Variants in MALRD1 observed in about 807,000 individuals in gnomAD.
MALRD1 encodes MAM and LDL receptor class A domain containing 1.
A neutral mutation model predicts 242.1 loss-of-function variants in MALRD1; 247 were observed. The observed-to-expected ratio is 1.02, with a 90% CI of 0.92 to 1.13. The LOEUF (loss-of-function observed/expected upper bound fraction) is 1.13. Among genes scored for constraint, MALRD1 ranks in the 50% most tolerant of loss-of-function variants. MALRD1 has a pLI of 0.00. For synonymous variants in MALRD1, 995 were observed against 866.6 expected, an observed-to-expected ratio of 1.15 and a Z score of -2.60; for missense variants, 2,989 against 2,533.1, an observed-to-expected ratio of 1.18 and a Z score of -3.86.
At position 19,306,633 on chromosome 10, in the gene MALRD1, A is replaced by G. The variant is rs529848905; in HGVS notation, c.3420-17316A>G. Reference sequence around the variant, plus strand: ...TATATATATGTACTTAAATGAAGGTATATTAGTCTGTTCTCATGCTGCTGA... The same window carrying G: ...TATATATATGTACTTAAATGAAGGTGTATTAGTCTGTTCTCATGCTGCTGA... On this transcript the variant is annotated intron_variant, in intron 21 of 39. Coordinates refer to ENST00000454679, the MANE Select transcript of MALRD1 (RefSeq NM_001142308.3). Among the ~76,000 whole-genome samples, 359 of 151,002 alleles carry G rather than the reference A, an allele frequency of 2.4e-3. 3 individuals carry two copies. The highest frequency in any genetic ancestry group is 8.2e-3 in the African/African-American group (339 of 41,268).
intron 18 of MALRD1, among the ~76,000 whole-genome samples, chr10:19,226,167 G>T (rs1837791336): frequency 6.6e-6 from 1 of 152,014 alleles, no homozygotes; most frequent in Non-Finnish European, 1.5e-5. Context: ...TAACCAAGTG[G>T]GATTTATCTC....
chr10:19,172,456 T>C (rs888775487), intron 13 of MALRD1, among the ~76,000 whole-genome samples: 1 of 151,808 alleles, frequency 6.6e-6, no homozygotes, highest in Non-Finnish European at 1.5e-5. Context: ...TAATATTATT[T>C]TTATTTGGCT....
At chr10:19,593,710 ACAGT>A (rs1205670780) in intron 33 of MALRD1, among the ~76,000 whole-genome samples, 1 of 152,220 alleles carries the variant, frequency 6.6e-6, no homozygotes, top group Admixed American at 6.5e-5. Flanking sequence ...TCAACACTCA[ACAGT>A]CAGCCTCTGC....
chr10:19,692,403 G>T (rs1833117714), intron 37 of MALRD1, 42 bp downstream of exon 37: 1 of 1,529,894 alleles, frequency 6.5e-7, no homozygotes. Context: ...GGTTTGGGGT[G>T]GTCTCTAATA....
intron 21 of MALRD1, among the ~76,000 whole-genome samples, chr10:19,286,980 G>A (rs1401760727): frequency 1.3e-5 from 2 of 151,636 alleles, no homozygotes; most frequent in South Asian, 2.1e-4. Flanking sequence ...CCATGATCAA[G>A]TGGGCTTCAT....
intron 28 of MALRD1, among the ~76,000 whole-genome samples, chr10:19,406,822 C>T (rs781648597): frequency 2.6e-5 from 4 of 152,164 alleles, no homozygotes; most frequent in Admixed American, 6.5e-5. Context: ...ATACACAACT[C>T]GCTTATTAGC....
At chr10:19,365,659 TAA>T (rs199989681) in intron 26 of MALRD1, among the ~76,000 whole-genome samples, 1,358 of 122,248 alleles carry the variant, frequency 0.011, 13 homozygotes, top group African/African-American at 0.034. Flanking sequence ...TTATAAATTC[TAA>T]AAAAAAAAAA....
chr10:19,263,418 C>T (rs1229574019), intron 19 of MALRD1, among the ~76,000 whole-genome samples: 1 of 151,858 alleles, frequency 6.6e-6, no homozygotes, highest in Non-Finnish European at 1.5e-5. Context: ...TTTCATATAC[C>T]TGTTGTCTAT....
intron 14 of MALRD1, among the ~76,000 whole-genome samples, chr10:19,191,705 C>A (rs1835982803): frequency 1.3e-5 from 2 of 152,068 alleles, no homozygotes; most frequent in Non-Finnish European, 2.9e-5. Flanking sequence ...GTGAATAAAA[C>A]TTGAGGACAT....
chr10:19,543,890 A>G (rs1177626987), intron 32 of MALRD1, among the ~76,000 whole-genome samples: 1 of 152,128 alleles, frequency 6.6e-6, no homozygotes, highest in Non-Finnish European at 1.5e-5. Flanking sequence ...TGGCCCAAAT[A>G]AACTCTCTAC....
At position 19,074,797 on chromosome 10, in the gene MALRD1, T is replaced by A. The variant is rs559404723; in HGVS notation, c.340+7938T>A. Among the ~76,000 whole-genome samples, 7 of 152,182 alleles carry A rather than the reference T, an allele frequency of 4.6e-5. No individual in the cohort carries two copies. The South Asian group carries it at 1.5e-3, about 32-fold the overall frequency. Reference sequence around the variant, plus strand: ...AATTTATTTTTATAGGCAGATGGCTTGATTATTTGTTAAATTTATAGATGG... The same window carrying A: ...AATTTATTTTTATAGGCAGATGGCTAGATTATTTGTTAAATTTATAGATGG... On this transcript the variant is annotated intron_variant, in intron 2 of 39. Transcript: ENST00000454679.
chr10:19,370,361 T>A (rs1211940102), intron 26 of MALRD1, among the ~76,000 whole-genome samples: 1 of 152,180 alleles, frequency 6.6e-6, no homozygotes, highest in Admixed American at 6.5e-5. Context: ...GGGCATGATA[T>A]ATCTCTTCAA....
chr10:19,448,254 A>G (rs1033570204), intron 28 of MALRD1, among the ~76,000 whole-genome samples: 8 of 152,088 alleles, frequency 5.3e-5, no homozygotes, highest in African/African-American at 1.9e-4. Flanking sequence ...TATGCTATAA[A>G]TCTATTGGAA....
Position 19,204,408 on chromosome 10 carries a change from C to T in MALRD1, c.2205C>T (p.Ser735=), listed in dbSNP as rs1266470910. The T allele has an allele frequency of 6.5e-7, 1 of 1,539,450 alleles. No homozygotes were observed. The highest frequency in any genetic ancestry group is 8.8e-7 in the Non-Finnish European group (1 of 1,141,704). ...AGACAGGACCTGGATGCATACTTTC[C>T]TTCTGGTAAATATTAAACAAATATT... ...FSQTGPGCIL[S]FWFYNYGLSV... is the part of the protein sequence containing the mutation. The change falls in exon 16 of 40, where the codon TCC becomes TCT. Residue 735 remains serine (S), a synonymous_variant. Coordinates refer to ENST00000454679, the MANE Select transcript of MALRD1 (RefSeq NM_001142308.3).
chr10:19,237,694 A>T lies in MALRD1; in HGVS notation c.2992-19990A>T, dbSNP rs1228463726. Reference sequence around the variant, plus strand: ...ATAATTATATATAATTTATATATAAATACATAATTATATATATATTTATAT... The same window carrying T: ...ATAATTATATATAATTTATATATAATTACATAATTATATATATATTTATAT... On this transcript the variant is annotated intron_variant, in intron 18 of 39. Transcript: ENST00000454679. Among the ~76,000 whole-genome samples the T allele has an allele frequency of 3.3e-5, 4 of 119,474 alleles. No homozygotes were observed. In the East Asian group the frequency reaches 8.9e-4, roughly 27 times the overall value. The allele number at this position is 119,474 out of a possible 152,430, so 78.4% of individuals were successfully genotyped here.
At chr10:19,110,568 G>T (rs769358767) in intron 5 of MALRD1, among the ~76,000 whole-genome samples, 4 of 152,144 alleles carry the variant, frequency 2.6e-5, no homozygotes, top group Non-Finnish European at 5.9e-5. Flanking sequence ...CTTATCAAAA[G>T]GGATGCAATT....
intron 26 of MALRD1, among the ~76,000 whole-genome samples, chr10:19,359,094 C>T (rs532373430): frequency 5.3e-5 from 8 of 152,144 alleles, no homozygotes; most frequent in Non-Finnish European, 1.0e-4. Flanking sequence ...TAGTTTTGAA[C>T]GTAGAAAACC....
chr10:19,385,991 T>A (rs1846055458), intron 26 of MALRD1, among the ~76,000 whole-genome samples: 1 of 152,160 alleles, frequency 6.6e-6, no homozygotes, highest in South Asian at 2.1e-4. Context: ...GGTTGAAGCT[T>A]ATTTTCAATG....
At chr10:19,387,437 G>T (rs569261703) in intron 26 of MALRD1, 91 bp from the exon 27 acceptor site, 1 of 1,402,860 alleles carries the variant, frequency 7.1e-7, no homozygotes, top group Non-Finnish European at 9.5e-7. Flanking sequence ...TTCCTTTATA[G>T]ATTAAAATGA....
Sources: allele counts gnomAD v4.1 joint callset (sites outside exome capture counted in the v4.1 genomes callset), GRCh38; gene constraint gnomAD v4.1.1; transcripts MANE v1.5; gene names NCBI Gene and HGNC (gene_info 2026-07-23, HGNC 2026-07-21).